The following PPP2R5A variants were observed in gnomAD, a reference collection of about 807,000 sequenced individuals.
The protein encoded by PPP2R5A is protein phosphatase 2 regulatory subunit B'alpha.
PPP2R5A carries 25 observed loss-of-function variants against 64.2 expected under a neutral mutation model. That is an observed-to-expected ratio of 0.39 (90% CI 0.28 to 0.54). The LOEUF is 0.54. Among genes scored for constraint, PPP2R5A ranks in the 20% least tolerant of loss-of-function variants. The probability of loss-of-function intolerance (pLI) is 0.67; values close to 1 mark genes in which losing one functional copy is unlikely to be tolerated. For missense variants in PPP2R5A, 425 were observed against 576.3 expected (o/e 0.74, Z 2.69); for synonymous variants, 198 against 201.2 (o/e 0.98, Z 0.13).
intron 1 of PPP2R5A, among the ~76,000 whole-genome samples, chr1:212,304,470 A>T (rs1658858730): frequency 6.6e-6 from 1 of 151,736 alleles, no homozygotes; most frequent in Non-Finnish European, 1.5e-5. Flanking sequence ...AATCGCTTGA[A>T]CCTGGGAGGA....
Position 212,286,185 on chromosome 1 carries a change from C to T in PPP2R5A, c.75C>T (p.Thr25=). 3 of 1,590,038 alleles carry T rather than the reference C, an allele frequency of 1.9e-6. No individual in the cohort carries two copies. Among genetic ancestry groups the T allele is most frequent in the Non-Finnish European group, 2.6e-6 (3 of 1,169,590 alleles). Reference sequence around the variant, plus strand: ...CCTCGGAGAAAGTGGACGGCTTCACCCGGAAATCGGTCCGCAAGGCGCAGA... The same window carrying T: ...CCTCGGAGAAAGTGGACGGCTTCACTCGGAAATCGGTCCGCAAGGCGCAGA... ...ISASEKVDGF[T]RKSVRKAQRQ... is the part of the protein sequence containing the mutation. Residue 25 remains threonine, a synonymous_variant, in exon 1 of 13, where the codon ACC becomes ACT. Coordinates refer to ENST00000261461, the MANE Select transcript of PPP2R5A (RefSeq NM_006243.4).
chr1:212,327,513 C>G lies in PPP2R5A; in HGVS notation c.182-1622C>G, dbSNP rs1659426464. 1.3e-5 allele frequency among the ~76,000 whole-genome samples: 2 copies of G among 151,982 alleles called. 1 individual carries two copies. On this transcript the variant is annotated intron_variant, in intron 1 of 12. Coordinates refer to ENST00000261461, the MANE Select transcript of PPP2R5A (RefSeq NM_006243.4). ...CATTGCAACCCCCACCTCCTGCGTT[C>G]CAGTGATTCTCCTTCCTCAGCCTTC... is the stretch of plus-strand genomic sequence containing the variant.
chr1:212,347,810 T>C (rs371249822), intron 6 of PPP2R5A, among the ~76,000 whole-genome samples: 12 of 152,330 alleles, frequency 7.9e-5, no homozygotes, highest in African/African-American at 2.4e-4. Flanking sequence ...CCTCCCACAG[T>C]GCTGGGATTA....
intron 3 of PPP2R5A, among the ~76,000 whole-genome samples, chr1:212,341,404 A>G (rs2102440199): frequency 6.6e-6 from 1 of 152,336 alleles, no homozygotes; most frequent in Admixed American, 6.5e-5. Flanking sequence ...TAGAAAGACC[A>G]GAAGTTTTTC....
At chr1:212,302,158 G>T in intron 1 of PPP2R5A, 1 of 1,388,186 alleles carries the variant, frequency 7.2e-7, no homozygotes, top group Non-Finnish European at 9.8e-7. Flanking sequence ...AATGAATAGA[G>T]ACTAGATTTT....
chr1:212,328,915 TTTCTTTAAAAAAA>T (rs1220193954), intron 1 of PPP2R5A, among the ~76,000 whole-genome samples: 1 of 147,222 alleles, frequency 6.8e-6, no homozygotes, highest in African/African-American at 2.4e-5. Context: ...CAAGACCATA[TTTCTTTAAAAAAA>T]TTTTTTTAAT....
intron 1 of PPP2R5A, among the ~76,000 whole-genome samples, chr1:212,294,034 T>C (rs1447507948): frequency 1.3e-5 from 2 of 152,174 alleles, no homozygotes; most frequent in African/African-American, 4.8e-5. Flanking sequence ...AGATAATAGC[T>C]AAAAGAGGTT....
At chr1:212,288,870 G>GCATC (rs1658551727) in intron 1 of PPP2R5A, among the ~76,000 whole-genome samples, 2 of 45,034 alleles carry the variant, frequency 4.4e-5, no homozygotes, top group Admixed American at 1.9e-4. Flanking sequence ...GCCTGCTTAT[G>GCATC]TTACTTTGAC....
At chr1:212,302,240 A>G in intron 1 of PPP2R5A, 6 of 738,728 alleles carry the variant, frequency 8.1e-6, no homozygotes, top group Non-Finnish European at 1.2e-5. Context: ...ATCTTACTGT[A>G]TTGTATTAAA....
At chr1:212,358,888 T>G in intron 12 of PPP2R5A, 101 bp downstream of exon 12, 2 of 872,702 alleles carry the variant, frequency 2.3e-6, no homozygotes, top group Non-Finnish European at 3.5e-6. Context: ...ATTTTCATAT[T>G]TAAGAAGTTA....
chr1:212,290,561 CTAAA>C (rs1239799897), intron 1 of PPP2R5A, among the ~76,000 whole-genome samples: 1 of 152,130 alleles, frequency 6.6e-6, no homozygotes, highest in African/African-American at 2.4e-5. Flanking sequence ...AGAGAAATTG[CTAAA>C]TAAAGTGTTC....
At chr1:212,333,434 T>A in intron 2 of PPP2R5A, 63 bp from the exon 3 acceptor site, 1 of 1,076,098 alleles carries the variant, frequency 9.3e-7, no homozygotes, top group Non-Finnish European at 1.3e-6. Flanking sequence ...AAATACTTCG[T>A]TTTGAATTGT....
At chr1:212,321,316 G>T (rs1331349321) in intron 1 of PPP2R5A, among the ~76,000 whole-genome samples, 5 of 147,178 alleles carry the variant, frequency 3.4e-5, no homozygotes, top group Admixed American at 6.7e-5. Context: ...GCCGGGCGAG[G>T]GGCTGACCCC....
rs533269626 is a variant in PPP2R5A, at chr1:212,308,944, A to G, written c.182-20191A>G. ...TTCCTTTTTTCTTTTTGTAAATTCT[A>G]TCTCTTTATGATATTCTCTGTTTGA... On this transcript the variant is annotated intron_variant, in intron 1 of 12. Transcript: ENST00000261461. 332 of 508,480 alleles carry G rather than the reference A, an allele frequency of 6.5e-4. 1 individual carries two copies. Among genetic ancestry groups the G allele is most frequent in the African/African-American group, 5.5e-3 (284 of 51,722 alleles). 31.5% of individuals were successfully genotyped at this position (508,480 alleles called of 1,614,324 possible).
In PPP2R5A at chr1:212,286,187, G is replaced by A; in HGVS notation, c.77G>A (p.Arg26Gln). Residue 26 changes from arginine (R) to glutamine (Q), a missense_variant, in exon 1 of 13, where the codon CGG (arginine) becomes CAG (glutamine). This residue lies in a region of PPP2R5A where 104 missense variants were observed against 95.7 expected (regional missense o/e 1.09). Transcript: ENST00000261461. The stretch of plus-strand genomic sequence containing the variant: ...TCGGAGAAAGTGGACGGCTTCACCC[G>A]GAAATCGGTCCGCAAGGCGCAGAGG... ...SASEKVDGFT[R>Q]KSVRKAQRQK... is the part of the protein sequence containing the mutation. 1 of 1,589,202 alleles carries A rather than the reference G, an allele frequency of 6.3e-7. No homozygotes were observed. Among genetic ancestry groups the A allele is most frequent in the East Asian group, 2.3e-5 (1 of 43,242 alleles).
intron 3 of PPP2R5A, among the ~76,000 whole-genome samples, chr1:212,341,895 G>A (rs1659691914): frequency 6.6e-6 from 1 of 151,986 alleles, no homozygotes; most frequent in Non-Finnish European, 1.5e-5. Flanking sequence ...ACGCCACCAT[G>A]CCTGGCTAAT....
chr1:212,356,686 G>C lies in PPP2R5A; in HGVS notation c.978+10G>C, dbSNP rs1571614572. 6.2e-7 allele frequency: 1 copy of C among 1,611,872 alleles called. No individual in the cohort carries two copies. The highest frequency in any genetic ancestry group is 1.3e-5 in the African/African-American group (1 of 74,832). On this transcript the variant is annotated intron_variant, in intron 9 of 12. Coordinates refer to ENST00000261461, the MANE Select transcript of PPP2R5A (RefSeq NM_006243.4). ...CTGCAGTCAGAAAGAGGTGGGTTTT[G>C]TTCACTAAATGTAGTGCATTTTACT...
At chr1:212,355,671 GT>G (rs751508509) in intron 8 of PPP2R5A, among the ~76,000 whole-genome samples, 131 of 144,556 alleles carry the variant, frequency 9.1e-4, no homozygotes, top group Middle Eastern at 3.5e-3. Context: ...AATGATCTGG[GT>G]TTTTTTTTTT....
intron 12 of PPP2R5A, among the ~76,000 whole-genome samples, chr1:212,360,210 G>A (rs1479154931): frequency 6.6e-6 from 1 of 152,224 alleles, no homozygotes; most frequent in Non-Finnish European, 1.5e-5. Flanking sequence ...AGATGTGGCT[G>A]TTAGTGGCAA....
Sources: allele counts gnomAD v4.1 joint callset (sites outside exome capture counted in the v4.1 genomes callset), GRCh38; gene constraint gnomAD v4.1.1; regional missense constraint gnomAD v4.1.1; transcripts MANE v1.5; gene names NCBI Gene and HGNC (gene_info 2026-07-23, HGNC 2026-07-21).